Variants in CELF2 observed in about 807,000 individuals in gnomAD.
The protein encoded by CELF2 is CUG triplet repeat RNA-binding protein 2.
A neutral mutation model predicts 62.6 loss-of-function variants in CELF2; 8 were observed. That is an observed-to-expected ratio of 0.13 (90% CI 0.07 to 0.23). CELF2 has a LOEUF of 0.23. Among genes scored for constraint, CELF2 ranks in the 10% least tolerant of loss-of-function variants. The pLI, the probability that CELF2 is intolerant of heterozygous loss-of-function variation, is 1.00. For missense variants in CELF2, 333 were observed against 671.0 expected (o/e 0.50, Z 5.56); for synonymous variants, 258 against 250.0 (o/e 1.03, Z -0.30).
intron 1 of CELF2, among the ~76,000 whole-genome samples, chr10:10,852,841 T>C (rs1021437512): frequency 2.0e-5 from 3 of 152,232 alleles, no homozygotes; most frequent in African/African-American, 7.2e-5. Context: ...ATGCCCTTTT[T>C]AATTTTCAGA....
At chr10:10,777,278 T>C in the CELF2 span, among the ~76,000 whole-genome samples, 1 of 152,158 alleles carries the variant, frequency 6.6e-6, no homozygotes. Context: ...GGCCTACGTA[T>C]ACTCTTGGCC....
intron 2 of CELF2, among the ~76,000 whole-genome samples, chr10:11,182,254 G>C (rs2073663719): frequency 6.6e-6 from 1 of 152,184 alleles, no homozygotes; most frequent in Non-Finnish European, 1.5e-5. Context: ...TGTAACCGGG[G>C]AGCGGGGCAG....
At chr10:11,147,599 G>GTTAA (rs1303333039) in intron 1 of CELF2, among the ~76,000 whole-genome samples, 2 of 152,168 alleles carry the variant, frequency 1.3e-5, no homozygotes, top group Non-Finnish European at 2.9e-5. Flanking sequence ...GGATGCCTTT[G>GTTAA]TTAAGTAGGG....
Position 11,329,173 on chromosome 10 carries a change from C to G in CELF2, c.*120C>G. 9.0e-7 allele frequency: 1 copy of G among 1,112,738 alleles called. No homozygotes were observed. Among genetic ancestry groups the G allele is most frequent in the South Asian group, 1.9e-5 (1 of 53,532 alleles). The allele number at this position is 1,112,738 out of a possible 1,614,324, so 68.9% of individuals were successfully genotyped here. A position where few individuals can be genotyped will look rare whatever the true frequency, so the allele number is the denominator to read the frequency against. The stretch of plus-strand genomic sequence containing the variant: ...CATTGCCAACTTTTACCAAGAGAGA[C>G]GGTTATTTTTACAATAAGGCCTCCA... On this transcript the variant is annotated 3_prime_UTR_variant, in exon 13 of 13. Transcript: ENST00000633077. The surrounding 1 kb of genome is among the most constrained non-coding windows in gnomAD (Gnocchi z 5.5).
Position 10,927,351 on chromosome 10 carries a change from A to AAAGAAAAC in CELF2, c.89+7354_89+7355insGAAAACAA, listed in dbSNP as rs1554884922. On this transcript the variant is annotated intron_variant, in intron 2 of 13. Coordinates refer to the CELF2 transcript ENST00000636488. ...AAAGGAGAACCTAGTGACATTAAAA[A>AAAGAAAAC]AAAAAAAAAAAAAAACACCTTTTTC... 2.9e-5 allele frequency: 4 copies of AAAGAAAAC among 137,694 alleles called. No individual in the cohort carries two copies. In the East Asian group the frequency reaches 6.9e-4, roughly 24 times the overall value. 8.5% of individuals were successfully genotyped at this position (137,694 alleles called of 1,614,324 possible). A position where few individuals can be genotyped will look rare whatever the true frequency, so the allele number is the denominator to read the frequency against.
chr10:11,167,484 C>G (rs555781861), intron 2 of CELF2, among the ~76,000 whole-genome samples: 1 of 152,330 alleles, frequency 6.6e-6, no homozygotes, highest in African/African-American at 2.4e-5. Context: ...GTTATGATGC[C>G]TGGTTCCGGG....
rs1019121220 is a variant in CELF2, at chr10:11,024,285, C to A, written c.74+6122C>A. 3.9e-5 allele frequency among the ~76,000 whole-genome samples: 6 copies of A among 152,236 alleles called. No homozygotes were observed. In the East Asian group the frequency reaches 1.2e-3, roughly 29 times the overall value. On this transcript the variant is annotated intron_variant, in intron 1 of 12. Coordinates refer to ENST00000633077, the MANE Select transcript of CELF2 (RefSeq NM_001326342.2). Reference sequence around the variant, plus strand: ...GTGCTTTAAAGGTAGGAGTTAGATACAATATTTTGATTTTAAATCTCAGTA... The same window carrying A: ...GTGCTTTAAAGGTAGGAGTTAGATAAAATATTTTGATTTTAAATCTCAGTA...
the CELF2 span, among the ~76,000 whole-genome samples, chr10:10,669,824 C>T: frequency 2.4e-4 from 37 of 152,118 alleles, no homozygotes; most frequent in Non-Finnish European, 1.2e-4. Flanking sequence ...AGAGCTTACA[C>T]ACTTTTCATA....
intron 1 of CELF2, among the ~76,000 whole-genome samples, chr10:11,104,001 A>C (rs1808872256): frequency 6.6e-6 from 1 of 152,130 alleles, no homozygotes; most frequent in Non-Finnish European, 1.5e-5. Flanking sequence ...GTTTTTATTC[A>C]GCAAAGCATG....
intron 1 of CELF2, among the ~76,000 whole-genome samples, chr10:10,884,084 C>T (rs2061605049): frequency 6.6e-6 from 1 of 152,136 alleles, no homozygotes; most frequent in African/African-American, 2.4e-5. Context: ...CTGCAAGGAA[C>T]CTCACAATCT....
rs1595482749 is a variant in CELF2 at position 11,110,528 on chromosome 10, G to T, written c.75-54958G>T. ...TGCTAGATTGATGAAATACACTAATGCATGGAGTAGAAACAGAGGGGCTTT... is the reference window on the plus strand; with the variant it reads ...TGCTAGATTGATGAAATACACTAATTCATGGAGTAGAAACAGAGGGGCTTT... On this transcript the variant is annotated intron_variant, in intron 1 of 12. Transcript: ENST00000633077. This position sits in a 1 kb window ranked among gnomAD's most constrained non-coding sequence, Gnocchi z 4.0. 6.6e-6 allele frequency among the ~76,000 whole-genome samples: 1 copy of T among 152,176 alleles called. No homozygotes were observed. The highest frequency in any genetic ancestry group is 1.5e-5 in the Non-Finnish European group (1 of 68,036).
At chr10:10,852,596 C>G (rs1393555461) in intron 1 of CELF2, among the ~76,000 whole-genome samples, 4 of 152,128 alleles carry the variant, frequency 2.6e-5, no homozygotes, top group Non-Finnish European at 5.9e-5. Context: ...ACAGACACCA[C>G]TGAAAGCATA....
Position 11,268,382 on chromosome 10 carries a change from C to T in CELF2, c.618+1705C>T, listed in dbSNP as rs1041711976. On this transcript the variant is annotated intron_variant, in intron 6 of 12. Coordinates refer to ENST00000633077, the MANE Select transcript of CELF2 (RefSeq NM_001326342.2). This position sits in a 1 kb window ranked among gnomAD's most constrained non-coding sequence, Gnocchi z 4.7. ...TTCAGTGTTTCTGTTAGAAACATTA[C>T]GATCCCCATTCCTTCCCTTGGAGCC... Among the ~76,000 whole-genome samples the T allele has an allele frequency of 2.6e-5, 4 of 152,126 alleles. No individual in the cohort carries two copies. Among genetic ancestry groups the T allele is most frequent in the Non-Finnish European group, 1.5e-5 (1 of 68,020 alleles).
chr10:10,620,580 C>T, the CELF2 span, among the ~76,000 whole-genome samples: 1 of 151,898 alleles, frequency 6.6e-6, no homozygotes. Context: ...GGGAAATGGC[C>T]GGTAGACAAT....
At chr10:10,595,331 C>T in the CELF2 span, among the ~76,000 whole-genome samples, 1 of 152,010 alleles carries the variant, frequency 6.6e-6, no homozygotes, top group Non-Finnish European at 1.5e-5. Context: ...ATAGAATCCT[C>T]ACCCTGTAAG....
intron 1 of CELF2, among the ~76,000 whole-genome samples, chr10:11,153,590 G>A (rs1215004481): frequency 1.3e-5 from 2 of 152,232 alleles, no homozygotes; most frequent in African/African-American, 4.8e-5. Flanking sequence ...CTCTGCTTAT[G>A]TGGCAAGTTT....
At chr10:10,630,619 T>C in the CELF2 span, among the ~76,000 whole-genome samples, 1 of 152,144 alleles carries the variant, frequency 6.6e-6, no homozygotes, top group East Asian at 1.9e-4. Context: ...CAACACCTCA[T>C]AAAATGAGTG....
the CELF2 span, among the ~76,000 whole-genome samples, chr10:10,529,526 A>C: frequency 6.6e-6 from 1 of 151,988 alleles, no homozygotes; most frequent in South Asian, 2.1e-4. Flanking sequence ...TCTACTAAAA[A>C]TACAAAAATT....
chr10:10,955,699 C>T (rs1354312613), intron 2 of CELF2, among the ~76,000 whole-genome samples: 2 of 152,128 alleles, frequency 1.3e-5, no homozygotes, highest in Admixed American at 6.5e-5. Context: ...ATAGTCTGCC[C>T]CCAGAACCAT....
Sources: gnomAD v4.1 joint callset for allele counts (sites outside exome capture counted in the v4.1 genomes callset) on GRCh38, gnomAD v4.1.1 for gene constraint, Gnocchi (gnomAD v3.1) non-coding constraint, MANE v1.5 for transcripts, NCBI Gene and HGNC (gene_info 2026-07-23, HGNC 2026-07-21) for gene names.